HOMER3: variants seen among roughly 807,000 people sequenced by gnomAD.
The protein encoded by HOMER3 is homer protein homolog 3.
Under a neutral mutation model 45.5 loss-of-function variants are expected in HOMER3, and 34 were observed. The ratio of observed to expected loss-of-function variants is 0.75; its 90% CI spans 0.57 to 1.00. The LOEUF is 1.00. Among genes scored for constraint, HOMER3 ranks in the 50% least tolerant of loss-of-function variants. HOMER3 has a pLI of 0.00. For missense variants in HOMER3, 480 were observed against 497.5 expected, an observed-to-expected ratio of 0.96 and a Z score of 0.33; for synonymous variants, 223 against 208.8, an observed-to-expected ratio of 1.07 and a Z score of -0.58.
intron 4 of HOMER3, among the ~76,000 whole-genome samples, chr19:18,937,082 G>T (rs564302035): frequency 4.6e-5 from 7 of 152,100 alleles, no homozygotes; most frequent in African/African-American, 1.7e-4. Context: ...AAAGTGAGAG[G>T]CTCGCTTGAG....
chr19:18,940,798 C>G (rs953031664), intron 1 of HOMER3: 2 of 151,278 alleles, frequency 1.3e-5, no homozygotes, highest in Admixed American at 1.3e-4. Context: ...AGGTCCGCAG[C>G]TTTGGGGACC....
Position 18,929,341 on chromosome 19 carries a change from G to A in HOMER3, c.*102C>T, listed in dbSNP as rs776037184. 1.7e-6 allele frequency: 2 copies of A among 1,153,948 alleles called. 1 individual carries two copies. The highest frequency in any genetic ancestry group is 3.5e-5 in the Admixed American group (2 of 57,244). The allele number at this position is 1,153,948 out of a possible 1,614,324, so 71.5% of individuals were successfully genotyped here. ...GGCCCGGCCCACCCAGGGCTAAGTT[G>A]GGACCCCCCAGTCCCTTTCCAGGAC... On this transcript the variant is annotated 3_prime_UTR_variant, in exon 10 of 10. Coordinates refer to ENST00000392351, the MANE Select transcript of HOMER3 (RefSeq NM_004838.4).
chr19:18,931,152 G>A (rs1173883021), intron 9 of HOMER3, 173 bp downstream of exon 9: 13 of 592,508 alleles, frequency 2.2e-5, no homozygotes, highest in Non-Finnish European at 3.3e-5. Flanking sequence ...TGAACCCATA[G>A]ATGGATATGA....
chr19:18,930,451 G>A (rs4600580), intron 9 of HOMER3, among the ~76,000 whole-genome samples: 24,949 of 151,268 alleles, frequency 0.16, 3,182 homozygotes, highest in African/African-American at 0.36. Flanking sequence ...GGGAGGCTGA[G>A]GCAGGAGAAT....
intron 6 of HOMER3, 23 bp downstream of exon 6, chr19:18,932,901 C>G: frequency 7.7e-7 from 1 of 1,305,002 alleles, no homozygotes; most frequent in Non-Finnish European, 1.0e-6. Flanking sequence ...GCCCCTGCCA[C>G]GCCCCCAAGT....
chr19:18,933,581 C>A (rs1028899808), intron 5 of HOMER3, among the ~76,000 whole-genome samples: 3 of 152,188 alleles, frequency 2.0e-5, no homozygotes, highest in African/African-American at 7.2e-5. Context: ...TTTCATCTCT[C>A]CAACCCCTGT....
chr19:18,929,713 T>A, intron 9 of HOMER3, 79 bp from the exon 10 acceptor site: 1 of 1,218,028 alleles, frequency 8.2e-7, no homozygotes, highest in Non-Finnish European at 1.1e-6. Context: ...TCTGACCACC[T>A]TCATGTCCCT....
intron 4 of HOMER3, among the ~76,000 whole-genome samples, chr19:18,938,047 C>T (rs1020494176): frequency 1.3e-5 from 2 of 151,920 alleles, no homozygotes; most frequent in African/African-American, 4.8e-5. Flanking sequence ...AAAAAATTAG[C>T]TGGGCGTGGT....
At chr19:18,931,113 A>C in intron 9 of HOMER3, 1 of 540,898 alleles carries the variant, frequency 1.8e-6, no homozygotes, top group Non-Finnish European at 3.3e-6. Context: ...CTGGCATGGG[A>C]ATACAGCAGG....
chr19:18,933,805 A>G (rs1386062055), intron 5 of HOMER3, among the ~76,000 whole-genome samples: 1 of 152,048 alleles, frequency 6.6e-6, no homozygotes, highest in Admixed American at 6.6e-5. Flanking sequence ...CCTGGGTTCA[A>G]GCGATTCTCC....
chr19:18,938,740 G>T lies in HOMER3; in HGVS notation c.159C>A (p.Ile53=). 1 of 1,233,524 alleles carries T rather than the reference G, an allele frequency of 8.1e-7. No homozygotes were observed. The allele number at this position is 1,233,524 out of a possible 1,614,324, so 76.4% of individuals were successfully genotyped here. Residue 53 remains isoleucine, a synonymous_variant, in exon 3 of 10, where the codon ATC becomes ATA. Transcript: ENST00000392351. ...ATRNVYRIIS[I]GGAKAIINST... ...ACCCCACCCTGACCTTGGCGCCTCC[G>T]ATGCTGATGATGCGGTACACATTGC...
chr19:18,932,071 G>T lies in HOMER3; in HGVS notation c.595C>A (p.Leu199Met). The T allele has an allele frequency of 6.4e-7, 1 of 1,564,792 alleles. No homozygotes were observed. The highest frequency in any genetic ancestry group is 1.2e-5 in the South Asian group (1 of 85,126). The change falls in exon 7 of 10, where the codon CTG (leucine) becomes ATG (methionine). Residue 199 changes from leucine (L) to methionine (M), a missense_variant. By Grantham distance (15) the Leu-to-Met change is conservative. Transcript: ENST00000392351. Reference sequence around the variant, plus strand: ...TTGGCCTCTCGCAGGGCGCCTGCCAGCTTGTTGTTGCTGTCCTGCAGTGCG... The same window carrying T: ...TTGGCCTCTCGCAGGGCGCCTGCCATCTTGTTGTTGCTGTCCTGCAGTGCG... ...FFALQDSNNK[L>M]AGALREANAA...
At position 18,938,775 on chromosome 19, in the gene HOMER3, C is replaced by T. The variant is rs777892611; in HGVS notation, c.124G>A (p.Asp42Asn). ...ATGCGGTACACATTGCGGGTGGCAT[C>T]GTAGAAATAGGAGACAGTGAGTGCG... ...KHALTVSYFY[D>N]ATRNVYRIIS... The change falls in exon 3 of 10, where the codon GAT becomes AAT. Residue 42 changes from aspartate to asparagine, a missense_variant. By Grantham distance (23) the Asp-to-Asn change is conservative. Transcript: ENST00000392351. 1.0e-5 allele frequency: 16 copies of T among 1,599,194 alleles called. No individual in the cohort carries two copies. The highest frequency in any genetic ancestry group is 8.7e-5 in the Admixed American group (5 of 57,576).
chr19:18,932,325 G>T (rs1451330352), intron 6 of HOMER3, among the ~76,000 whole-genome samples, 193 bp from the exon 7 acceptor site: 4 of 147,416 alleles, frequency 2.7e-5, no homozygotes, highest in Non-Finnish European at 6.0e-5. Flanking sequence ...CTGGGCTGGG[G>T]GCGGAGTCAG....
In HOMER3 at chr19:18,929,476, C is replaced by T. The variant is rs1486352694; in HGVS notation, c.1053G>A (p.Glu351=). Residue 351 remains glutamate, a synonymous_variant, in exon 10 of 10, where the codon GAG becomes GAA. Coordinates refer to ENST00000392351, the MANE Select transcript of HOMER3 (RefSeq NM_004838.4). Reference sequence around the variant, plus strand: ...CAGCCTCAGCCAGGCGGGCCAGGCCCTCACGCAGCTCACTCAGCTCAAACA... The same window carrying T: ...CAGCCTCAGCCAGGCGGGCCAGGCCTTCACGCAGCTCACTCAGCTCAAACA... The part of the protein sequence containing the change: ...VSLFELSELR[E]GLARLAEAAP The T allele has an allele frequency of 1.3e-6, 2 of 1,599,186 alleles. No individual in the cohort carries two copies. Among genetic ancestry groups the T allele is most frequent in the East Asian group, 2.2e-5 (1 of 44,508 alleles).
At chr19:18,935,287 G>A (rs1198321230) in intron 4 of HOMER3, among the ~76,000 whole-genome samples, 1 of 151,854 alleles carries the variant, frequency 6.6e-6, no homozygotes, top group Non-Finnish European at 1.5e-5. Flanking sequence ...CTACAGGCCC[G>A]TGCCACCACG....
At chr19:18,930,641 G>T (rs2057021498) in intron 9 of HOMER3, among the ~76,000 whole-genome samples, 1 of 152,090 alleles carries the variant, frequency 6.6e-6, no homozygotes, top group Non-Finnish European at 1.5e-5. Context: ...ACTTTGGGAG[G>T]CTGAGGGCAG....
At chr19:18,932,590 G>C (rs2057048390) in intron 6 of HOMER3, among the ~76,000 whole-genome samples, 1 of 152,088 alleles carries the variant, frequency 6.6e-6, no homozygotes, top group African/African-American at 2.4e-5. Flanking sequence ...CAGTGACACT[G>C]TGGGAATGTT....
chr19:18,929,261 C>T lies in HOMER3; in HGVS notation c.*182G>A, dbSNP rs1178083077. On this transcript the variant is annotated 3_prime_UTR_variant, in exon 10 of 10. Transcript: ENST00000392351. ...TTCTACACAATGAGAAGCTCAAAAACAGCCCCAAAGCTGCCAACAACCAGA... is the reference window on the plus strand; with the variant it reads ...TTCTACACAATGAGAAGCTCAAAAATAGCCCCAAAGCTGCCAACAACCAGA... The T allele has an allele frequency of 3.9e-6, 3 of 771,666 alleles. No individual in the cohort carries two copies. Among genetic ancestry groups the T allele is most frequent in the Non-Finnish European group, 7.1e-6 (3 of 424,670 alleles). 47.8% of individuals were successfully genotyped at this position (771,666 alleles called of 1,614,324 possible).
Sources: gnomAD v4.1 joint callset for allele counts (sites outside exome capture counted in the v4.1 genomes callset) on GRCh38, gnomAD v4.1.1 for gene constraint, MANE v1.5 for transcripts, NCBI Gene and HGNC (gene_info 2026-07-23, HGNC 2026-07-21) for gene names.